The following YPEL2 variants were observed in gnomAD, a reference collection of about 807,000 sequenced individuals.
The protein encoded by YPEL2 is yippee like 2, also known as protein yippee-like 2.
Under a neutral mutation model 19.1 loss-of-function variants are expected in YPEL2, and 2 were observed. The observed-to-expected ratio is 0.10, with a 90% CI of 0.04 to 0.33. YPEL2 has a LOEUF of 0.33. YPEL2 is among the 10% of genes least tolerant of loss of function. The probability of loss-of-function intolerance (pLI) is 1.00; values close to 1 mark genes in which losing one functional copy is unlikely to be tolerated. For synonymous variants in YPEL2, 52 were observed against 50.0 expected (o/e 1.04, Z -0.17); for missense variants, 66 against 140.7 (o/e 0.47, Z 2.68).
At chr17:59,393,994 T>C (rs2048022892) in intron 4 of YPEL2, among the ~76,000 whole-genome samples, 1 of 152,232 alleles carries the variant, frequency 6.6e-6, no homozygotes, top group Non-Finnish European at 1.5e-5. Flanking sequence ...AAAACCGCCA[T>C]TGTCATCATG....
At chr17:59,340,904 G>T (rs1297107327) in intron 1 of YPEL2, among the ~76,000 whole-genome samples, 5 of 149,120 alleles carry the variant, frequency 3.4e-5, no homozygotes. Context: ...TAGTAGAGAC[G>T]GGGTTTCGCC....
chr17:59,362,697 A>G (rs1411027846), intron 2 of YPEL2: 1 of 152,170 alleles, frequency 6.6e-6, no homozygotes, highest in East Asian at 1.9e-4. Flanking sequence ...GACACTGGTA[A>G]TCAAGCTTGT....
At chr17:59,360,520 C>T (rs2047835457) in intron 2 of YPEL2, among the ~76,000 whole-genome samples, 1 of 152,188 alleles carries the variant, frequency 6.6e-6, no homozygotes, top group African/African-American at 2.4e-5. Context: ...AATCACATTT[C>T]CCAACCCCAA....
intron 4 of YPEL2, among the ~76,000 whole-genome samples, chr17:59,391,868 C>G (rs1203399945): frequency 2.0e-5 from 3 of 151,736 alleles, no homozygotes; most frequent in South Asian, 4.2e-4. Context: ...CCATTGCACT[C>G]CAGCCTGGGC....
chr17:59,370,299 G>A (rs1031069757), intron 2 of YPEL2, among the ~76,000 whole-genome samples: 5 of 152,148 alleles, frequency 3.3e-5, no homozygotes, highest in African/African-American at 4.8e-5. Flanking sequence ...TCCTGACCTC[G>A]TGATCCGCCC....
chr17:59,348,682 A>T (rs996748450), intron 1 of YPEL2, among the ~76,000 whole-genome samples: 1 of 152,192 alleles, frequency 6.6e-6, no homozygotes, highest in African/African-American at 2.4e-5. Context: ...AGTTCACTTA[A>T]AATGGTGTTT....
Position 59,397,372 on chromosome 17 carries a change from T to G in YPEL2, c.*182T>G, listed in dbSNP as rs1289040616. ...GCCTCTAAATCGCTGTCTCTCTGTC[T>G]CTTTGCTTTGTATCTGTTTGTGAGT... On this transcript the variant is annotated 3_prime_UTR_variant, in exon 5 of 5. Coordinates refer to ENST00000312655, the MANE Select transcript of YPEL2 (RefSeq NM_001005404.4). 2.2e-6 allele frequency: 1 copy of G among 453,296 alleles called. No individual in the cohort carries two copies. Among genetic ancestry groups the G allele is most frequent in the African/African-American group, 2.0e-5 (1 of 49,130 alleles). The allele number at this position is 453,296 out of a possible 1,614,324, so 28.1% of individuals were successfully genotyped here.
chr17:59,378,367 C>T (rs2047932760), intron 2 of YPEL2, among the ~76,000 whole-genome samples: 1 of 143,686 alleles, frequency 7.0e-6, no homozygotes, highest in Admixed American at 7.0e-5. Flanking sequence ...TTTTTTGAGA[C>T]AAGTTCTCAC....
intron 1 of YPEL2, among the ~76,000 whole-genome samples, chr17:59,335,086 G>A (rs374486769): frequency 6.6e-6 from 1 of 152,318 alleles, no homozygotes; most frequent in African/African-American, 2.4e-5. Flanking sequence ...GGAAAAGGAA[G>A]AAGCATCATT....
At chr17:59,381,937 C>T (rs151324746) in intron 2 of YPEL2, among the ~76,000 whole-genome samples, 5 of 152,326 alleles carry the variant, frequency 3.3e-5, no homozygotes, top group East Asian at 1.9e-4. Context: ...TCCCCACCTT[C>T]GGTACCACCC....
At chr17:59,361,837 A>G (rs1333374455) in intron 2 of YPEL2, among the ~76,000 whole-genome samples, 6 of 152,188 alleles carry the variant, frequency 3.9e-5, no homozygotes. Flanking sequence ...ACTTGGTGGA[A>G]GAAGTGGCAT....
chr17:59,389,033 C>A, intron 3 of YPEL2: 1 of 357,450 alleles, frequency 2.8e-6, no homozygotes, highest in Non-Finnish European at 5.3e-6. Flanking sequence ...GTGCCCATGG[C>A]TGTGGACTTC....
chr17:59,389,321 C>A, intron 3 of YPEL2, 39 bp from the exon 4 acceptor site: 2 of 1,563,148 alleles, frequency 1.3e-6, no homozygotes, highest in Non-Finnish European at 1.8e-6. Flanking sequence ...ATGTGCGTGT[C>A]ACTAACTACC....
At chr17:59,382,580 A>G (rs2047955163) in intron 2 of YPEL2, among the ~76,000 whole-genome samples, 1 of 152,236 alleles carries the variant, frequency 6.6e-6, no homozygotes, top group Admixed American at 6.5e-5. Context: ...GCTGCCATGT[A>G]ATATGTACAT....
intron 2 of YPEL2, among the ~76,000 whole-genome samples, chr17:59,376,949 C>CAAAAAAAAAAA (rs59030676): frequency 2.1e-5 from 1 of 48,542 alleles, no homozygotes. Context: ...CACACTGTCT[C>CAAAAAAAAAAA]AAAAAAAAAA....
At chr17:59,361,809 A>T (rs554797564) in intron 2 of YPEL2, among the ~76,000 whole-genome samples, 1 of 152,318 alleles carries the variant, frequency 6.6e-6, no homozygotes, top group African/African-American at 2.4e-5. Context: ...TCTTTCTAGA[A>T]AATGCAGTTC....
At chr17:59,367,043 G>A (rs989303022) in intron 2 of YPEL2, among the ~76,000 whole-genome samples, 8 of 152,198 alleles carry the variant, frequency 5.3e-5, no homozygotes, top group East Asian at 1.9e-4. Context: ...TAGGTCACCC[G>A]GCTGCTGCCA....
chr17:59,350,896 G>A (rs777836883), intron 1 of YPEL2, among the ~76,000 whole-genome samples: 4 of 152,152 alleles, frequency 2.6e-5, no homozygotes, highest in Non-Finnish European at 4.4e-5. Flanking sequence ...TGTGTAAGAC[G>A]GATGGGTCTG....
At chr17:59,392,286 A>C (rs560455656) in intron 4 of YPEL2, among the ~76,000 whole-genome samples, 2 of 152,104 alleles carry the variant, frequency 1.3e-5, no homozygotes, top group African/African-American at 4.8e-5. Context: ...CATTCTTTTG[A>C]CAAAGGTTTA....
Sources: allele counts gnomAD v4.1 joint callset (sites outside exome capture counted in the v4.1 genomes callset), GRCh38; gene constraint gnomAD v4.1.1; transcripts MANE v1.5; gene names NCBI Gene and HGNC (gene_info 2026-07-23, HGNC 2026-07-21).